SESTD1: variants seen among roughly 807,000 people sequenced by gnomAD.
SESTD1 encodes the protein SEC14 and spectrin domain containing 1, also known as SEC14 domain and spectrin repeat-containing protein 1.
Under a neutral mutation model 101.7 loss-of-function variants are expected in SESTD1, and 43 were observed. The observed-to-expected ratio is 0.42, with a 90% confidence interval of 0.33 to 0.55. SESTD1 has a LOEUF of 0.55. Among genes scored for constraint, SESTD1 ranks in the 20% least tolerant of loss-of-function variants. SESTD1 has a pLI of 0.07. For synonymous variants in SESTD1, 283 were observed against 286.8 expected, an observed-to-expected ratio of 0.99 and a Z score of 0.13; for missense variants, 647 against 815.1, an observed-to-expected ratio of 0.79 and a Z score of 2.51.
At chr2:179,114,312 T>C (rs1287538469) in intron 16 of SESTD1, among the ~76,000 whole-genome samples, 3 of 152,178 alleles carry the variant, frequency 2.0e-5, no homozygotes, top group Admixed American at 2.0e-4. Context: ...CCTTGCAACA[T>C]CTGTTCCATG....
chr2:179,127,187 G>C (rs1256601380), intron 10 of SESTD1, among the ~76,000 whole-genome samples: 3 of 152,098 alleles, frequency 2.0e-5, no homozygotes, highest in Non-Finnish European at 4.4e-5. Context: ...CAACATTCTT[G>C]CTGTTCCTCA....
At chr2:179,222,986 C>T (rs556259100) in intron 1 of SESTD1, among the ~76,000 whole-genome samples, 4 of 152,188 alleles carry the variant, frequency 2.6e-5, no homozygotes, top group East Asian at 3.9e-4. Context: ...GACTTGTACA[C>T]GAATGTTCAC....
At chr2:179,139,667 T>C (rs1224000429) in intron 9 of SESTD1, among the ~76,000 whole-genome samples, 1 of 152,092 alleles carries the variant, frequency 6.6e-6, no homozygotes, top group Non-Finnish European at 1.5e-5. Context: ...ACTGTGCCAG[T>C]TGGTTTGAAG....
At chr2:179,241,097 TAAAAA>T (rs1457536031) in intron 1 of SESTD1, among the ~76,000 whole-genome samples, 2 of 151,986 alleles carry the variant, frequency 1.3e-5, no homozygotes, top group Non-Finnish European at 2.9e-5. Flanking sequence ...GTAAATGGGA[TAAAAA>T]GCAGAATGAG....
chr2:179,223,647 T>C (rs2046844189), intron 1 of SESTD1, among the ~76,000 whole-genome samples: 2 of 152,150 alleles, frequency 1.3e-5, no homozygotes, highest in South Asian at 4.1e-4. Context: ...TCAGAACATA[T>C]TGCCATGAGA....
chr2:179,209,498 A>G (rs35075647), intron 1 of SESTD1, among the ~76,000 whole-genome samples: 131,520 of 133,648 alleles, frequency 0.98, 65,270 homozygotes, highest in East Asian at 1. Flanking sequence ...ATACATTTAA[A>G]CAAACTGAAA....
At position 179,109,760 on chromosome 2, in the gene SESTD1, T is replaced by C; in HGVS notation, c.*139A>G. 1 of 1,092,580 alleles carries C rather than the reference T, an allele frequency of 9.2e-7. No homozygotes were observed. The highest frequency in any genetic ancestry group is 1.3e-6 in the Non-Finnish European group (1 of 765,634). The allele number at this position is 1,092,580 out of a possible 1,614,324, so 67.7% of individuals were successfully genotyped here. ...CCTTGGTAGTAGCAAGGTGTTAACA[T>C]GTAAAGAGAAATGTGTCATGAAAAG... On this transcript the variant is annotated 3_prime_UTR_variant, in exon 18 of 18. Coordinates refer to ENST00000428443, the MANE Select transcript of SESTD1 (RefSeq NM_178123.5).
intron 1 of SESTD1, among the ~76,000 whole-genome samples, chr2:179,205,047 T>C (rs1332435434): frequency 7.4e-6 from 1 of 134,768 alleles, no homozygotes; most frequent in Non-Finnish European, 1.6e-5. Context: ...TCTCCATCCT[T>C]CTCATCAATT....
rs924095819 is a variant in SESTD1, at chr2:179,107,799, C to G, written c.*2100G>C. ...AGATTCCTTCCCTCAAAAGAGCTTA[C>G]TGGGTACAGACATAAACAACTGTAG... On this transcript the variant is annotated 3_prime_UTR_variant, in exon 18 of 18. Coordinates refer to ENST00000428443, the MANE Select transcript of SESTD1 (RefSeq NM_178123.5). The G allele has an allele frequency of 1.3e-5, 2 of 152,102 alleles. No homozygotes were observed. Among genetic ancestry groups the G allele is most frequent in the African/African-American group, 4.8e-5 (2 of 41,422 alleles). 9.4% of individuals were successfully genotyped at this position (152,102 alleles called of 1,614,324 possible).
At chr2:179,230,508 T>C (rs1292428586) in intron 1 of SESTD1, among the ~76,000 whole-genome samples, 2 of 151,390 alleles carry the variant, frequency 1.3e-5, no homozygotes, top group Non-Finnish European at 2.9e-5. Flanking sequence ...AACCTGAAAA[T>C]AGAATGGGCA....
chr2:179,159,457 G>A lies in SESTD1; in HGVS notation c.370-8066C>T, dbSNP rs554785139. 2.6e-5 allele frequency among the ~76,000 whole-genome samples: 4 copies of A among 152,286 alleles called. No individual in the cohort carries two copies. The South Asian group carries it at 8.3e-4, about 32-fold the overall frequency. ...ACCAAATTCAAATGTGCAAGCAAAAGTAAGAAACCATTTGCAGGGCGGGAT... is the reference window on the plus strand; with the variant it reads ...ACCAAATTCAAATGTGCAAGCAAAAATAAGAAACCATTTGCAGGGCGGGAT... On this transcript the variant is annotated intron_variant, in intron 5 of 17. Transcript: ENST00000428443.
intron 5 of SESTD1, among the ~76,000 whole-genome samples, chr2:179,169,315 T>A (rs933509003): frequency 1.3e-5 from 2 of 151,996 alleles, no homozygotes; most frequent in Admixed American, 1.3e-4. Context: ...TCAGACAATG[T>A]ACATTTCAGA....
intron 4 of SESTD1, among the ~76,000 whole-genome samples, chr2:179,174,204 T>C (rs1213790923): frequency 6.6e-6 from 1 of 152,208 alleles, no homozygotes; most frequent in Non-Finnish European, 1.5e-5. Context: ...TTATAGGCAC[T>C]GTGGGGTCCC....
intron 1 of SESTD1, among the ~76,000 whole-genome samples, chr2:179,256,749 T>C (rs2047399383): frequency 6.7e-6 from 1 of 148,930 alleles, no homozygotes; most frequent in Admixed American, 6.7e-5. Flanking sequence ...GAGGCAGAGG[T>C]TGCAGTGAGC....
chr2:179,244,768 T>C (rs948481143), intron 1 of SESTD1, among the ~76,000 whole-genome samples: 5 of 152,130 alleles, frequency 3.3e-5, no homozygotes, highest in African/African-American at 7.2e-5. Flanking sequence ...GAAAATACAA[T>C]AGGCTTCCTT....
Position 179,124,481 on chromosome 2 carries a change from C to T in SESTD1, c.1050G>A (p.Val350=), listed in dbSNP as rs1460142905. The stretch of plus-strand genomic sequence containing the variant: ...GTTGTTGCTGCAGTGACTTTAGTTC[C>T]ACAAGATCTTCCTCATCGCCAGCAT... ...LLNAGDEEDL[V]ELKSLQQQLS... The change falls in exon 11 of 18, where the codon GTG becomes GTA. Residue 350 remains valine, a synonymous_variant. Coordinates refer to ENST00000428443, the MANE Select transcript of SESTD1 (RefSeq NM_178123.5). 3.7e-6 allele frequency: 6 copies of T among 1,614,062 alleles called. No individual in the cohort carries two copies. The highest frequency in any genetic ancestry group is 5.1e-6 in the Non-Finnish European group (6 of 1,179,994).
intron 16 of SESTD1, among the ~76,000 whole-genome samples, chr2:179,113,966 T>TG (rs5836670): frequency 0.056 from 8,408 of 150,952 alleles, 296 homozygotes; most frequent in South Asian, 0.09. Flanking sequence ...TTACACAGGG[T>TG]GGGGGGAGCT....
chr2:179,240,638 G>A (rs759878719), intron 1 of SESTD1, among the ~76,000 whole-genome samples: 5 of 152,070 alleles, frequency 3.3e-5, no homozygotes, highest in Non-Finnish European at 7.4e-5. Context: ...AAAAACTTTA[G>A]ACAAAAAAAG....
intron 5 of SESTD1, among the ~76,000 whole-genome samples, chr2:179,161,334 A>G (rs1377639343): frequency 6.6e-6 from 1 of 152,202 alleles, no homozygotes; most frequent in Non-Finnish European, 1.5e-5. Flanking sequence ...GTAAAATACA[A>G]TGATTCATCA....
Sources: gnomAD v4.1 joint callset for allele counts (sites outside exome capture counted in the v4.1 genomes callset) on GRCh38, gnomAD v4.1.1 for gene constraint, MANE v1.5 for transcripts, NCBI Gene and HGNC (gene_info 2026-07-23, HGNC 2026-07-21) for gene names.